EVA1C: variants seen among roughly 807,000 people sequenced by gnomAD.
EVA1C encodes eva-1 homolog C.
In EVA1C, 25 loss-of-function variants were observed where a neutral mutation model predicts 45.4. The ratio of observed to expected loss-of-function variants is 0.55; its 90% confidence interval spans 0.40 to 0.77. The LOEUF (loss-of-function observed/expected upper bound fraction) is 0.77, where lower values mean the gene tolerates loss of function less well. Among genes scored for constraint, EVA1C ranks in the 30% least tolerant of loss-of-function variants. EVA1C has a pLI of 0.00. For synonymous variants in EVA1C, 190 were observed against 221.2 expected, an observed-to-expected ratio of 0.86 and a Z score of 1.25; for missense variants, 479 against 554.8, an observed-to-expected ratio of 0.86 and a Z score of 1.37.
chr21:32,467,566 C>T, intron 3 of EVA1C, 130 bp from the exon 4 acceptor site: 1 of 834,624 alleles, frequency 1.2e-6, no homozygotes, highest in Non-Finnish European at 1.7e-6. Flanking sequence ...AGCATGAGCC[C>T]ACAGGGCCAT....
intron 4 of EVA1C, among the ~76,000 whole-genome samples, chr21:32,487,981 T>TG (rs1274882656): frequency 6.6e-6 from 1 of 152,116 alleles, no homozygotes; most frequent in Non-Finnish European, 1.5e-5. Context: ...GATGAGGGGC[T>TG]GGGGGGTAGT....
chr21:32,505,200 G>A (rs780255086), intron 7 of EVA1C, among the ~76,000 whole-genome samples: 16 of 152,164 alleles, frequency 1.1e-4, no homozygotes, highest in Non-Finnish European at 1.9e-4. Flanking sequence ...TACATGAGAT[G>A]CAAAGTTCAG....
intron 5 of EVA1C, chr21:32,497,189 G>A (rs2037380441): frequency 2.5e-6 from 2 of 798,344 alleles, no homozygotes; most frequent in African/African-American, 1.7e-5. Context: ...TGGAATGAAT[G>A]GAAGAGTATG....
At chr21:32,460,692 TCCAGGTAGGG>T (rs2035964432) in intron 3 of EVA1C, among the ~76,000 whole-genome samples, 1 of 152,074 alleles carries the variant, frequency 6.6e-6, no homozygotes, top group Admixed American at 6.5e-5. Context: ...TGTGCAAGAT[TCCAGGTAGGG>T]TCAGGGCTTC....
rs3056333 is a variant in EVA1C, at chr21:32,493,770, TTTTATTTATTTATTTATTTA to T, written c.635-1229_635-1210del. On this transcript the variant is annotated intron_variant, in intron 4 of 7. Coordinates refer to ENST00000300255, the MANE Select transcript of EVA1C (RefSeq NM_058187.5). ...ATCTGGGTAAAAAGCAAGGTAGGCT[TTTTATTTATTTATTTATTTA>T]TTTATTTATTTATTTATTTATTTAT... The T allele has an allele frequency of 6.0e-4, 87 of 145,134 alleles. 1 individual carries two copies. The highest frequency in any genetic ancestry group is 2.0e-3 in the African/African-American group (78 of 39,476). The allele number at this position is 145,134 out of a possible 1,614,324, so 9.0% of individuals were successfully genotyped here.
At chr21:32,511,202 G>T (rs1382288762) in intron 7 of EVA1C, among the ~76,000 whole-genome samples, 4 of 152,108 alleles carry the variant, frequency 2.6e-5, no homozygotes, top group Admixed American at 6.5e-5. Context: ...GATCACCTGA[G>T]GTCAGGAGTT....
intron 1 of EVA1C, among the ~76,000 whole-genome samples, chr21:32,445,834 C>T (rs1056558668): frequency 2.0e-5 from 3 of 152,182 alleles, no homozygotes; most frequent in African/African-American, 7.2e-5. Flanking sequence ...TTACCCATGG[C>T]AGTAGCTATA....
At chr21:32,426,946 T>C (rs1014221374) in intron 1 of EVA1C, among the ~76,000 whole-genome samples, 1 of 152,214 alleles carries the variant, frequency 6.6e-6, no homozygotes, top group Non-Finnish European at 1.5e-5. Context: ...TTTCCAAGCA[T>C]TTTAAGAGCT....
intron 4 of EVA1C, among the ~76,000 whole-genome samples, chr21:32,488,447 A>C (rs2037045016): frequency 6.6e-6 from 1 of 152,002 alleles, no homozygotes; most frequent in South Asian, 2.1e-4. Flanking sequence ...TTTTCTCCAC[A>C]CCCTCTCCAA....
intron 2 of EVA1C, among the ~76,000 whole-genome samples, chr21:32,453,857 A>G (rs550576796): frequency 6.6e-6 from 1 of 152,346 alleles, no homozygotes; most frequent in East Asian, 1.9e-4. Context: ...TCCTGTAGAA[A>G]GGGAAGGTAG....
intron 5 of EVA1C, among the ~76,000 whole-genome samples, chr21:32,500,733 G>T (rs1332379982): frequency 6.6e-6 from 1 of 151,822 alleles, no homozygotes; most frequent in Non-Finnish European, 1.5e-5. Flanking sequence ...TTTTGTGTGT[G>T]TGTGTGCGTG....
intron 1 of EVA1C, among the ~76,000 whole-genome samples, chr21:32,421,864 C>T (rs1287188717): frequency 6.6e-6 from 1 of 151,820 alleles, no homozygotes; most frequent in Admixed American, 6.6e-5. Context: ...GCCAACATGG[C>T]GAAGCCCTGT....
chr21:32,451,531 C>A (rs968121363), intron 1 of EVA1C, among the ~76,000 whole-genome samples: 1 of 152,200 alleles, frequency 6.6e-6, no homozygotes, highest in African/African-American at 2.4e-5. Flanking sequence ...GACTGGCTGC[C>A]TGTCTTATTC....
chr21:32,512,042 C>A (rs1311908774), intron 7 of EVA1C, among the ~76,000 whole-genome samples: 1 of 151,582 alleles, frequency 6.6e-6, no homozygotes, highest in Admixed American at 6.6e-5. Flanking sequence ...TAATATTATA[C>A]CCTTTAAATA....
intron 4 of EVA1C, among the ~76,000 whole-genome samples, chr21:32,477,625 T>C (rs1027150824): frequency 6.6e-6 from 1 of 151,920 alleles, no homozygotes; most frequent in African/African-American, 2.4e-5. Context: ...GAGTCTCTTA[T>C]GTGTCCTTAC....
chr21:32,417,921 C>A (rs1167374023), intron 1 of EVA1C, among the ~76,000 whole-genome samples: 1 of 152,142 alleles, frequency 6.6e-6, no homozygotes, highest in East Asian at 1.9e-4. Flanking sequence ...CCAGGCAATT[C>A]TAATATGCAG....
At chr21:32,467,561 G>A in intron 3 of EVA1C, 135 bp from the exon 4 acceptor site, 2 of 748,826 alleles carry the variant, frequency 2.7e-6, no homozygotes, top group Non-Finnish European at 4.0e-6. Context: ...GAGACAGCAT[G>A]AGCCCACAGG....
chr21:32,502,040 C>CTT (rs199554254), intron 6 of EVA1C, among the ~76,000 whole-genome samples: 2 of 101,558 alleles, frequency 2.0e-5, no homozygotes, highest in Non-Finnish European at 4.0e-5. Flanking sequence ...TTCTTTCTTT[C>CTT]TTTCTTTCTT....
intron 4 of EVA1C, among the ~76,000 whole-genome samples, chr21:32,472,673 G>C (rs983988433): frequency 6.6e-6 from 1 of 152,046 alleles, no homozygotes; most frequent in East Asian, 1.9e-4. Context: ...ATTAAAGAAA[G>C]TGTTAGCAGA....
Sources: gnomAD v4.1 joint callset for allele counts (sites outside exome capture counted in the v4.1 genomes callset) on GRCh38, gnomAD v4.1.1 for gene constraint, MANE v1.5 for transcripts, NCBI Gene and HGNC (gene_info 2026-07-23, HGNC 2026-07-21) for gene names.